Variants in DPP10 observed in about 807,000 individuals in gnomAD.
DPP10 encodes dipeptidyl peptidase like 10.
In DPP10, 33 loss-of-function variants were observed where a neutral mutation model predicts 120.9. That is an observed-to-expected ratio of 0.27 (90% CI 0.21 to 0.37). The LOEUF is 0.37. Ranked by LOEUF, DPP10 falls within the 10% of genes least tolerant of loss-of-function variation. The probability of loss-of-function intolerance (pLI) is 1.00; values close to 1 mark genes in which losing one functional copy is unlikely to be tolerated. For synonymous variants in DPP10, 337 were observed against 326.1 expected (o/e 1.03, Z -0.36); for missense variants, 816 against 942.8 (o/e 0.87, Z 1.76).
intron 1 of DPP10, among the ~76,000 whole-genome samples, chr2:114,635,205 CAAA>C (rs1695220820): frequency 6.6e-6 from 1 of 151,394 alleles, no homozygotes; most frequent in South Asian, 2.1e-4. Flanking sequence ...GTGTTGAACA[CAAA>C]GAAGTTTGAA....
At chr2:115,032,983 A>T (rs973482892) in intron 1 of DPP10, among the ~76,000 whole-genome samples, 1 of 152,084 alleles carries the variant, frequency 6.6e-6, no homozygotes, top group East Asian at 1.9e-4. Flanking sequence ...TGTTTTAATC[A>T]TAAGAATTAG....
intron 1 of DPP10, among the ~76,000 whole-genome samples, chr2:114,872,357 G>C (rs1329336228): frequency 1.3e-5 from 2 of 152,036 alleles, no homozygotes; most frequent in African/African-American, 4.8e-5. Flanking sequence ...AACAGCATAG[G>C]GGAACACCCC....
intron 1 of DPP10, among the ~76,000 whole-genome samples, chr2:115,020,311 A>G (rs1289278454): frequency 6.6e-6 from 1 of 152,170 alleles, no homozygotes; most frequent in Non-Finnish European, 1.5e-5. Flanking sequence ...AAAGTGGTGG[A>G]AAAAAGATAT....
intron 19 of DPP10, among the ~76,000 whole-genome samples, chr2:115,797,205 A>G (rs1054939314): frequency 2.0e-5 from 3 of 152,070 alleles, no homozygotes; most frequent in African/African-American, 7.2e-5. Flanking sequence ...AAGAGAGATC[A>G]AATTCTCAGC....
intron 10 of DPP10, among the ~76,000 whole-genome samples, chr2:115,752,826 A>C (rs941579197): frequency 6.6e-6 from 1 of 152,162 alleles, no homozygotes; most frequent in African/African-American, 2.4e-5. Context: ...AGTACTAATC[A>C]ATAGAAAATT....
chr2:115,301,574 A>T (rs1377798432), intron 1 of DPP10, among the ~76,000 whole-genome samples: 2 of 146,636 alleles, frequency 1.4e-5, no homozygotes, highest in Non-Finnish European at 3.0e-5. Flanking sequence ...CTTTTTCTTG[A>T]TGGGGCATTC....
intron 1 of DPP10, among the ~76,000 whole-genome samples, chr2:115,265,362 C>T (rs1333023744): frequency 6.6e-6 from 1 of 151,432 alleles, no homozygotes; most frequent in Non-Finnish European, 1.5e-5. Flanking sequence ...TTTTGAACAT[C>T]TGTTTAATAA....
intron 1 of DPP10, among the ~76,000 whole-genome samples, chr2:115,059,740 G>T (rs1573464128): frequency 1.3e-5 from 2 of 149,940 alleles, no homozygotes; most frequent in Admixed American, 1.3e-4. Flanking sequence ...TGGCGGGGAC[G>T]GGAAGGAGCC....
At chr2:115,426,481 GCCAC>G in intron 3 of DPP10, among the ~76,000 whole-genome samples, 1 of 21,942 alleles carries the variant, frequency 4.6e-5, no homozygotes, top group African/African-American at 2.4e-4. Context: ...CTCACCAGGT[GCCAC>G]CTCCGACGCT....
intron 1 of DPP10, among the ~76,000 whole-genome samples, chr2:114,714,831 T>C (rs1421399615): frequency 6.6e-6 from 1 of 152,080 alleles, no homozygotes; most frequent in Non-Finnish European, 1.5e-5. Context: ...ATCAGACTTT[T>C]CCACATCATG....
rs117767987 is a variant in DPP10 at position 114,869,481 on chromosome 2, T to C, written c.60+426643T>C. ...TTCATTGTGAAACAGTCCCCCCAGG[T>C]TCAGAAAACTACCAAGAGAGATGGA... On this transcript the variant is annotated intron_variant, in intron 1 of 25. Transcript: ENST00000410059. Among the ~76,000 whole-genome samples the C allele has an allele frequency of 2.2e-3, 332 of 152,148 alleles. 4 individuals are homozygous for C. The East Asian group carries it at 0.047, about 22-fold the overall frequency.
At chr2:114,459,230 T>C (rs1201845073) in intron 1 of DPP10, among the ~76,000 whole-genome samples, 1 of 152,234 alleles carries the variant, frequency 6.6e-6, no homozygotes, top group Non-Finnish European at 1.5e-5. Context: ...CTTCTTCTCT[T>C]GTTCAGCAGG....
intron 1 of DPP10, among the ~76,000 whole-genome samples, chr2:115,265,771 TAAGTGCTGAAGTGTTTAGAAAAAGGGG>T (rs1160158947): frequency 6.6e-6 from 1 of 151,830 alleles, no homozygotes; most frequent in East Asian, 1.9e-4. Context: ...GTGCAGATAA[TAAGTGCTGAAGTGTTTAGAAAAAGGGG>T]CCAGGCGCGG....
rs1262532329 is a variant in DPP10 at position 114,581,658 on chromosome 2, A to G, written c.60+138820A>G. On this transcript the variant is annotated intron_variant, in intron 1 of 25. Transcript: ENST00000410059. ...CTTTGGGATCTCCTTTGAACTTAGG[A>G]CATGTTAATTCCCATCTTCCTAACT... Among the ~76,000 whole-genome samples, 5 of 152,146 alleles carry G rather than the reference A, an allele frequency of 3.3e-5. No individual in the cohort carries two copies. The East Asian group carries it at 9.6e-4, about 29-fold the overall frequency.
At position 114,651,720 on chromosome 2, in the gene DPP10, T is replaced by C. The variant is rs578147964; in HGVS notation, c.60+208882T>C. ...ATCTCTGAGGATGCCACTTTTCTCA[T>C]GAAAAGAAAAAAATTCAACAATCCG... On this transcript the variant is annotated intron_variant, in intron 1 of 25. Transcript: ENST00000410059. 3.5e-4 allele frequency among the ~76,000 whole-genome samples: 53 copies of C among 152,172 alleles called. 2 individuals are homozygous for C. Among genetic ancestry groups the C allele is most frequent in the Non-Finnish European group, 4.7e-4 (32 of 67,986 alleles).
At chr2:115,368,224 T>G (rs34008603) in intron 3 of DPP10, among the ~76,000 whole-genome samples, 3,406 of 152,200 alleles carry the variant, frequency 0.022, 59 homozygotes, top group Non-Finnish European at 0.035. Flanking sequence ...ATAGGATAGC[T>G]TCTCTGAATA....
chr2:115,263,711 AT>A (rs2059346717), intron 1 of DPP10, among the ~76,000 whole-genome samples: 1 of 152,256 alleles, frequency 6.6e-6, no homozygotes, highest in African/African-American at 2.4e-5. Context: ...ATTTCAAAAT[AT>A]ACTATTTTAC....
chr2:114,698,238 G>A lies in DPP10; in HGVS notation c.60+255400G>A, dbSNP rs111314980. Among the ~76,000 whole-genome samples the A allele has an allele frequency of 2.0e-5, 3 of 152,070 alleles. No individual in the cohort carries two copies. The East Asian group carries it at 5.8e-4, about 30-fold the overall frequency. On this transcript the variant is annotated intron_variant, in intron 1 of 25. Transcript: ENST00000410059. ...ACCCCTGCTCTTGGCTCTCTCTGAG[G>A]GAAGCCAGCTTCCATATCATAAAAA...
chr2:114,507,258 C>T (rs1023731732), intron 1 of DPP10, among the ~76,000 whole-genome samples: 5 of 151,906 alleles, frequency 3.3e-5, no homozygotes, highest in Admixed American at 6.6e-5. Context: ...CGTGTTGTCC[C>T]GGCTGGCCTC....
Sources: allele counts gnomAD v4.1 joint callset (sites outside exome capture counted in the v4.1 genomes callset), GRCh38; gene constraint gnomAD v4.1.1; transcripts MANE v1.5; gene names NCBI Gene and HGNC (gene_info 2026-07-23, HGNC 2026-07-21).